APOL4: variants seen among roughly 807,000 people sequenced by gnomAD.
APOL4 encodes apolipoprotein L, 4.
A neutral mutation model predicts 12.1 loss-of-function variants in APOL4; 14 were observed. The ratio of observed to expected loss-of-function variants is 1.16; its 90% CI spans 0.76 to 1.81. The LOEUF (loss-of-function observed/expected upper bound fraction) is 1.81. APOL4 is among the 40% of genes most tolerant of loss of function. APOL4 has a pLI of 0.00. For missense variants in APOL4, 432 were observed against 423.1 expected (o/e 1.02, Z -0.18); for synonymous variants, 171 against 160.6 (o/e 1.06, Z -0.49).
In APOL4 at chr22:36,199,376, C is replaced by G; in HGVS notation, c.36G>C (p.Gly12=). 1 of 1,614,066 alleles carries G rather than the reference C, an allele frequency of 6.2e-7. No individual in the cohort carries two copies. The highest frequency in any genetic ancestry group is 2.2e-5 in the East Asian group (1 of 44,894). Residue 12 remains glycine, a splice_region_variant and synonymous_variant, in exon 2 of 4, where the codon GGG becomes GGC. Coordinates refer to ENST00000683024, the MANE Select transcript of APOL4 (RefSeq NM_001386885.1). Reference sequence around the variant, plus strand: ...TCCAGCCTGGATGGTTTTGCTGCACCCTTGAGGAAGAGAAAACAAATTGTG... The same window carrying G: ...TCCAGCCTGGATGGTTTTGCTGCACGCTTGAGGAAGAGAAAACAAATTGTG... ...GSWVQLITSV[G]VQQNHPGWTV...
chr22:36,193,277 T>C (rs1294555549), intron 3 of APOL4, among the ~76,000 whole-genome samples: 1 of 152,202 alleles, frequency 6.6e-6, no homozygotes, highest in Non-Finnish European at 1.5e-5. Context: ...CTTTACTGTA[T>C]TGGGAGCTGG....
At chr22:36,203,209 G>C (rs563527712), upstream of APOL4, among the ~76,000 whole-genome samples, 1 of 152,290 alleles carries the variant, frequency 6.6e-6, no homozygotes, top group Non-Finnish European at 1.5e-5. Context: ...TAGGCGGATC[G>C]GCAGGTTGAG....
At chr22:36,202,275 T>C (rs2014606073), upstream of APOL4, among the ~76,000 whole-genome samples, 1 of 152,162 alleles carries the variant, frequency 6.6e-6, no homozygotes, top group Admixed American at 6.5e-5. Flanking sequence ...CTGGGCTAAT[T>C]TGTTAATTTT....
intron 1 of APOL4, among the ~76,000 whole-genome samples, chr22:36,199,908 C>T (rs898175268): frequency 6.6e-6 from 1 of 152,098 alleles, no homozygotes; most frequent in African/African-American, 2.4e-5. Context: ...CCCAGGTTCA[C>T]GCCATTCTCT....
intron 2 of APOL4, among the ~76,000 whole-genome samples, chr22:36,198,967 C>T: frequency 6.6e-6 from 1 of 152,184 alleles, no homozygotes; most frequent in Non-Finnish European, 1.5e-5. Flanking sequence ...TGGTCAACCT[C>T]CTCTCCCACC....
intron 1 of APOL4, among the ~76,000 whole-genome samples, chr22:36,199,960 G>A (rs961926039): frequency 4.6e-5 from 7 of 152,000 alleles, no homozygotes; most frequent in East Asian, 3.9e-4. Flanking sequence ...GGTGCCCGTC[G>A]CCACATTCGG....
chr22:36,195,797 C>CAA (rs1332272466), intron 2 of APOL4, among the ~76,000 whole-genome samples: 3 of 150,912 alleles, frequency 2.0e-5, no homozygotes, highest in African/African-American at 7.4e-5. Flanking sequence ...CACACACACA[C>CAA]ACACACACAC....
At chr22:36,197,807 G>C (rs1017839562) in intron 2 of APOL4, 103 of 1,549,642 alleles carry the variant, frequency 6.6e-5, no homozygotes, top group Non-Finnish European at 8.4e-5. Flanking sequence ...GTAGGGACAG[G>C]GGGAGGGGAT....
In APOL4 at chr22:36,201,670, G is replaced by C. The variant is rs1422356905; in HGVS notation, c.35+30C>G. ...GGACCAGGAGAGAGCAGAGGAGCAG[G>C]AGGGCAGAGAGCTGGGGCCTCGGAC... On this transcript the variant is annotated intron_variant, in intron 1 of 3. Transcript: ENST00000683024. The C allele has an allele frequency of 1.9e-6, 3 of 1,589,532 alleles. No individual in the cohort carries two copies. In the Admixed American group the frequency reaches 5.3e-5, roughly 28 times the overall value.
At chr22:36,192,106 C>T (rs948490136) in intron 3 of APOL4, among the ~76,000 whole-genome samples, 194 bp from the exon 4 acceptor site, 3 of 152,078 alleles carry the variant, frequency 2.0e-5, no homozygotes, top group Non-Finnish European at 4.4e-5. Context: ...TTTGGGAGGC[C>T]GAGATGGGTG....
upstream of APOL4, among the ~76,000 whole-genome samples, chr22:36,203,311 A>T (rs1226523045): frequency 2.0e-5 from 3 of 152,172 alleles, no homozygotes; most frequent in African/African-American, 7.2e-5. Flanking sequence ...AGCATTTATT[A>T]TTCAGTTTAG....
chr22:36,198,092 C>T (rs1226013567), intron 2 of APOL4, among the ~76,000 whole-genome samples: 1 of 152,194 alleles, frequency 6.6e-6, no homozygotes, highest in Non-Finnish European at 1.5e-5. Context: ...CCCACTGGGC[C>T]CGACTGGCTC....
Position 36,195,364 on chromosome 22 carries a change from C to A in APOL4, c.156G>T (p.Leu52=). The A allele has an allele frequency of 6.2e-7, 1 of 1,613,868 alleles. No individual in the cohort carries two copies. The highest frequency in any genetic ancestry group is 8.5e-7 in the Non-Finnish European group (1 of 1,179,884). ...KKVSPVHLKI[L]LTSDEAWKRF... ...TCTTCCAGGCTTCATCGCTAGTCAG[C>A]AGGATTTTCAGATGCACTGGGCTAA... Residue 52 remains leucine (L), a synonymous_variant, in exon 3 of 4, where the codon CTG becomes CTT. Coordinates refer to ENST00000683024, the MANE Select transcript of APOL4 (RefSeq NM_001386885.1).
chr22:36,194,126 G>A (rs537937421), intron 3 of APOL4, among the ~76,000 whole-genome samples: 1 of 152,272 alleles, frequency 6.6e-6, no homozygotes, highest in East Asian at 1.9e-4. Context: ...AGTCTTCCGA[G>A]AACCCTTCAA....
chr22:36,197,818 G>A (rs1481288471), intron 2 of APOL4: 3 of 1,548,616 alleles, frequency 1.9e-6, no homozygotes, highest in South Asian at 2.4e-5. Context: ...GGGAGGGGAT[G>A]GGCCCAGAGG....
At chr22:36,204,672 C>T, upstream of APOL4, 1 of 779,160 alleles carries the variant, frequency 1.3e-6, no homozygotes, top group Non-Finnish European at 1.9e-6. Context: ...TCCAGCTGGT[C>T]TGAGCTGTGT....
upstream of APOL4, among the ~76,000 whole-genome samples, chr22:36,203,650 C>T (rs1217739143): frequency 6.6e-6 from 1 of 152,156 alleles, no homozygotes; most frequent in Non-Finnish European, 1.5e-5. Flanking sequence ...ACTAGAAATT[C>T]TCAGAAGGGA....
At position 36,191,194 on chromosome 22, in the gene APOL4, G is replaced by C; in HGVS notation, c.928C>G (p.Leu310Val). The C allele has an allele frequency of 6.2e-7, 1 of 1,613,844 alleles. No individual in the cohort carries two copies. Among genetic ancestry groups the C allele is most frequent in the Non-Finnish European group, 8.5e-7 (1 of 1,179,808 alleles). The change falls in exon 4 of 4, where the codon CTG (leucine) becomes GTG (valine). Residue 310 changes from leucine to valine, a missense_variant. By Grantham distance (32) the Leu-to-Val change is conservative. Coordinates refer to ENST00000683024, the MANE Select transcript of APOL4 (RefSeq NM_001386885.1). ...GATTTTGCCCCCTTGTGCAAGTCCA[G>C]TGAGTCTTGCACAAGGTTGACTACA... ...LDVVNLVQDSLDLHKGAKSES... is the reference protein window; with the variant it reads ...LDVVNLVQDSVDLHKGAKSES...
At chr22:36,194,257 GC>G (rs2014340410) in intron 3 of APOL4, among the ~76,000 whole-genome samples, 2 of 152,222 alleles carry the variant, frequency 1.3e-5, no homozygotes, top group African/African-American at 4.8e-5. Context: ...CATTTCCCAG[GC>G]ATGGTGTCGG....
Sources: gnomAD v4.1 joint callset for allele counts (sites outside exome capture counted in the v4.1 genomes callset) on GRCh38, gnomAD v4.1.1 for gene constraint, MANE v1.5 for transcripts, NCBI Gene and HGNC (gene_info 2026-07-23, HGNC 2026-07-21) for gene names.